DIP2C: variants seen among roughly 807,000 people sequenced by gnomAD.
The protein encoded by DIP2C is disco-interacting protein 2 homolog C.
Under a neutral mutation model 192.4 loss-of-function variants are expected in DIP2C, and 33 were observed. The observed-to-expected ratio is 0.17, with a 90% CI of 0.13 to 0.23. The LOEUF is 0.23. Among genes scored for constraint, DIP2C ranks in the 10% least tolerant of loss-of-function variants. The pLI is 1.00. For synonymous variants in DIP2C, 979 were observed against 864.1 expected, an observed-to-expected ratio of 1.13 and a Z score of -2.33; for missense variants, 1,537 against 2,110.1, an observed-to-expected ratio of 0.73 and a Z score of 5.32.
At chr10:479,014 CAGG>C (rs1159356323) in intron 2 of DIP2C, among the ~76,000 whole-genome samples, 6 of 152,188 alleles carry the variant, frequency 3.9e-5, no homozygotes, top group Non-Finnish European at 8.8e-5. Context: ...GAGTGTCCTG[CAGG>C]AGAAGCCTGC....
chr10:492,040 G>C (rs1359790790), intron 1 of DIP2C, among the ~76,000 whole-genome samples: 1 of 152,118 alleles, frequency 6.6e-6, no homozygotes, highest in Non-Finnish European at 1.5e-5. Flanking sequence ...AGAAAACAGG[G>C]GCTAAGAGGA....
At chr10:451,783 C>T (rs377753551) in intron 3 of DIP2C, among the ~76,000 whole-genome samples, 2 of 152,208 alleles carry the variant, frequency 1.3e-5, no homozygotes, top group South Asian at 2.1e-4. Flanking sequence ...AGCACACACA[C>T]CACCCTCTAA....
chr10:401,402 T>C (rs1426921020), intron 9 of DIP2C, among the ~76,000 whole-genome samples: 1 of 151,752 alleles, frequency 6.6e-6, no homozygotes, highest in Non-Finnish European at 1.5e-5. Context: ...TACATTTTCA[T>C]CAGCACATGA....
intron 1 of DIP2C, among the ~76,000 whole-genome samples, chr10:498,599 A>G (rs150384906): frequency 3.1e-4 from 47 of 152,294 alleles, no homozygotes; most frequent in African/African-American, 1.1e-3. Flanking sequence ...GGGATGACTG[A>G]CTTCCATTTC....
At chr10:498,488 C>T (rs190220852) in intron 1 of DIP2C, among the ~76,000 whole-genome samples, 4 of 152,330 alleles carry the variant, frequency 2.6e-5, no homozygotes, top group Non-Finnish European at 5.9e-5. Context: ...TGCTGACAGA[C>T]CCCACCAGGA....
At chr10:310,397 G>A (rs1956518573) in intron 31 of DIP2C, among the ~76,000 whole-genome samples, 1 of 152,226 alleles carries the variant, frequency 6.6e-6, no homozygotes, top group Non-Finnish European at 1.5e-5. Flanking sequence ...AAACTGCCAA[G>A]ACGGCGCTGC....
intron 1 of DIP2C, among the ~76,000 whole-genome samples, chr10:575,590 T>G (rs1057035703): frequency 3.9e-5 from 6 of 152,130 alleles, no homozygotes; most frequent in Admixed American, 3.9e-4. Context: ...TGCAAAAACA[T>G]AGCTCAGCAT....
At chr10:396,683 G>A (rs576951373) in intron 10 of DIP2C, among the ~76,000 whole-genome samples, 1 of 152,240 alleles carries the variant, frequency 6.6e-6, no homozygotes, top group South Asian at 2.1e-4. Context: ...TACTGAGGCT[G>A]TCATGTAAGC....
chr10:610,965 G>A (rs1174398281), intron 1 of DIP2C, among the ~76,000 whole-genome samples: 9 of 150,066 alleles, frequency 6.0e-5, no homozygotes, highest in Admixed American at 5.9e-4. Flanking sequence ...GGCCCTGGTG[G>A]GAGGTGACTG....
intron 29 of DIP2C, among the ~76,000 whole-genome samples, chr10:340,413 A>G (rs1300583107): frequency 6.6e-6 from 1 of 152,126 alleles, no homozygotes; most frequent in Non-Finnish European, 1.5e-5. Context: ...TGAAATGTGA[A>G]GCTGGATGAT....
At chr10:565,001 G>C (rs1000900627) in intron 1 of DIP2C, among the ~76,000 whole-genome samples, 6 of 152,170 alleles carry the variant, frequency 3.9e-5, no homozygotes, top group African/African-American at 1.4e-4. Flanking sequence ...TGAAGATGAA[G>C]AGTAAACACT....
intron 2 of DIP2C, among the ~76,000 whole-genome samples, chr10:483,657 C>T (rs1207947401): frequency 1.3e-5 from 2 of 152,346 alleles, no homozygotes; most frequent in Admixed American, 1.3e-4. Context: ...AGCTCTGCCC[C>T]TTGCTCCTGA....
intron 7 of DIP2C, among the ~76,000 whole-genome samples, chr10:415,265 A>G (rs1190249477): frequency 6.6e-6 from 1 of 152,114 alleles, no homozygotes; most frequent in African/African-American, 2.4e-5. Context: ...CACATAAGAT[A>G]CTAAGGAGCT....
chr10:407,218 G>A (rs954262168), intron 9 of DIP2C, among the ~76,000 whole-genome samples: 2 of 152,208 alleles, frequency 1.3e-5, no homozygotes, highest in Admixed American at 6.5e-5. Context: ...TCGCAGGAAC[G>A]GAATCACGCA....
At position 345,072 on chromosome 10, in the gene DIP2C, G is replaced by T; in HGVS notation, c.3270C>A (p.Ile1090=). 6.2e-7 allele frequency: 1 copy of T among 1,613,570 alleles called. No individual in the cohort carries two copies. Among genetic ancestry groups the T allele is most frequent in the South Asian group, 1.1e-5 (1 of 90,974 alleles). Residue 1090 remains isoleucine, a synonymous_variant, in exon 27 of 37, where the codon ATC becomes ATA. Transcript: ENST00000280886. ...CCTCCCTGGACCGCAGCAACTTACAGATCAGCTGTGTCGTCATCAGACAGG... is the reference window on the plus strand; with the variant it reads ...CCTCCCTGGACCGCAGCAACTTACATATCAGCTGTGTCGTCATCAGACAGG... ...RSACLMTTQL[I]CKLLRSREAA...
intron 8 of DIP2C, among the ~76,000 whole-genome samples, chr10:409,514 C>A (rs989808830): frequency 3.3e-5 from 5 of 152,212 alleles, no homozygotes; most frequent in African/African-American, 1.2e-4. Flanking sequence ...TGGAACAAGG[C>A]CGGCACAAAA....
At chr10:585,871 T>G (rs1303240929) in intron 1 of DIP2C, among the ~76,000 whole-genome samples, 1 of 152,220 alleles carries the variant, frequency 6.6e-6, no homozygotes, top group East Asian at 1.9e-4. Flanking sequence ...TTATCTATAC[T>G]TAAATGCATT....
chr10:564,807 GAA>G (rs769589569), intron 1 of DIP2C, among the ~76,000 whole-genome samples: 1 of 151,920 alleles, frequency 6.6e-6, no homozygotes, highest in African/African-American at 2.4e-5. Flanking sequence ...TCCCATCTCA[GAA>G]AAAAACACAT....
chr10:587,370 G>A (rs1366308782), intron 1 of DIP2C, among the ~76,000 whole-genome samples: 1 of 152,230 alleles, frequency 6.6e-6, no homozygotes, highest in East Asian at 1.9e-4. Flanking sequence ...TGGCCACCTC[G>A]TGGGATGACG....
Sources: allele counts gnomAD v4.1 joint callset (sites outside exome capture counted in the v4.1 genomes callset), GRCh38; gene constraint gnomAD v4.1.1; transcripts MANE v1.5; gene names NCBI Gene and HGNC (gene_info 2026-07-23, HGNC 2026-07-21).